Variants in ZNF25 observed in about 807,000 individuals in gnomAD.
ZNF25 encodes zinc finger protein 25, also known as zinc finger protein 25 (KOX 19).
Under a neutral mutation model 30.9 loss-of-function variants are expected in ZNF25, and 21 were observed. The ratio of observed to expected loss-of-function variants is 0.68; its 90% confidence interval spans 0.48 to 0.98. The LOEUF (loss-of-function observed/expected upper bound fraction) is 0.98. Ranked by LOEUF, ZNF25 falls within the 50% of genes least tolerant of loss-of-function variation. The pLI is 0.00. For missense variants in ZNF25, 501 were observed against 529.9 expected (o/e 0.95, Z 0.54); for synonymous variants, 169 against 181.3 (o/e 0.93, Z 0.55).
intron 3 of ZNF25, 48 bp downstream of exon 3, chr10:37,957,372 A>C (rs1375113090): frequency 1.9e-6 from 3 of 1,586,194 alleles, no homozygotes; most frequent in African/African-American, 2.7e-5. Context: ...GTAACTGAGA[A>C]GATAGATGCA....
chr10:37,949,825 CAAAG>C lies in ZNF25; in HGVS notation c.*2298_*2301del, dbSNP rs1590150491. 4 of 152,434 alleles carry C rather than the reference CAAAG, an allele frequency of 2.6e-5. No homozygotes were observed. Among genetic ancestry groups the C allele is most frequent in the African/African-American group, 9.7e-5 (4 of 41,384 alleles). 9.4% of individuals were successfully genotyped at this position (152,434 alleles called of 1,614,324 possible). A position where few individuals can be genotyped will look rare whatever the true frequency, so the allele number is the denominator to read the frequency against. On this transcript the variant is annotated 3_prime_UTR_variant, in exon 6 of 6. Coordinates refer to ENST00000302609, the MANE Select transcript of ZNF25 (RefSeq NM_145011.4). Reference sequence around the variant, plus strand: ...AACTGGCCATTGATTTGGGAGAAAACAAAGGAATACTGTGGGGCAGTATCAATGA... The same window carrying C: ...AACTGGCCATTGATTTGGGAGAAAACGAATACTGTGGGGCAGTATCAATGA...
intron 1 of ZNF25, among the ~76,000 whole-genome samples, chr10:37,973,461 C>CA (rs1015098439): frequency 1.7e-4 from 26 of 150,610 alleles, no homozygotes; most frequent in African/African-American, 6.1e-4. Context: ...ACTAAAAATA[C>CA]AAAAAAAATT....
At chr10:37,958,931 C>A (rs1292457950) in intron 2 of ZNF25, among the ~76,000 whole-genome samples, 1 of 152,114 alleles carries the variant, frequency 6.6e-6, no homozygotes, top group East Asian at 1.9e-4. Flanking sequence ...CACCTGTAGT[C>A]CCAGATACTC....
intron 2 of ZNF25, among the ~76,000 whole-genome samples, chr10:37,961,302 C>T (rs903114546): frequency 2.0e-5 from 3 of 152,102 alleles, no homozygotes; most frequent in African/African-American, 7.2e-5. Flanking sequence ...TCTGTGAAAA[C>T]ATACAAGTAC....
rs1235755464 is a variant in ZNF25, at chr10:37,951,128, G to A, written c.*999C>T. 1 of 152,008 alleles carries A rather than the reference G, an allele frequency of 6.6e-6. No individual in the cohort carries two copies. The highest frequency in any genetic ancestry group is 1.5e-5 in the Non-Finnish European group (1 of 68,014). 9.4% of individuals were successfully genotyped at this position (152,008 alleles called of 1,614,324 possible). A position where few individuals can be genotyped will look rare whatever the true frequency, so the allele number is the denominator to read the frequency against. ...TTTTGAAGGATTAGTTATTACCACT[G>A]TCTATATCCATTTACAAACACAAAA... On this transcript the variant is annotated 3_prime_UTR_variant, in exon 6 of 6. Transcript: ENST00000302609.
In ZNF25 at chr10:37,952,421, T is replaced by A. The variant is rs781619561; in HGVS notation, c.1077A>T (p.Lys359Asn). The A allele has an allele frequency of 3.7e-6, 6 of 1,613,978 alleles. No individual in the cohort carries two copies. Among genetic ancestry groups the A allele is most frequent in the Non-Finnish European group, 5.1e-6 (6 of 1,179,994 alleles). The change falls in exon 6 of 6, where the codon AAA becomes AAT. Residue 359 changes from lysine to asparagine, a missense_variant. By Grantham distance (94) the Lys-to-Asn change is moderately conservative (BLOSUM62 0). Transcript: ENST00000302609. ...KTFYYKSDLTKHQRKHTGEKP... is the reference protein window; with the variant it reads ...KTFYYKSDLTNHQRKHTGEKP... ...TCTCCCCTGTGTGTTTTCTCTGATG[T>A]TTAGTGAGGTCTGATTTATAGTAAA...
At chr10:37,954,805 A>G (rs1170977165) in intron 4 of ZNF25, among the ~76,000 whole-genome samples, 2 of 152,210 alleles carry the variant, frequency 1.3e-5, no homozygotes, top group Non-Finnish European at 2.9e-5. Context: ...AATACATAAG[A>G]AAAGTCACTT....
At chr10:37,971,475 TAG>T (rs1470251591) in intron 2 of ZNF25, among the ~76,000 whole-genome samples, 1 of 152,154 alleles carries the variant, frequency 6.6e-6, no homozygotes, top group Non-Finnish European at 1.5e-5. Context: ...CTCAACCTCA[TAG>T]ATCCCTTGAG....
intron 2 of ZNF25, among the ~76,000 whole-genome samples, chr10:37,966,764 G>C (rs2063210959): frequency 6.6e-6 from 1 of 152,134 alleles, no homozygotes; most frequent in South Asian, 2.1e-4. Context: ...TGGGGACACA[G>C]AGCCAAACCA....
At chr10:37,953,528 G>T (rs1231434458) in intron 5 of ZNF25, among the ~76,000 whole-genome samples, 167 bp downstream of exon 5, 1 of 152,186 alleles carries the variant, frequency 6.6e-6, no homozygotes, top group Non-Finnish European at 1.5e-5. Flanking sequence ...CCTGCACAAG[G>T]TCTCTATGAA....
At chr10:37,971,841 A>C (rs1039205163) in intron 1 of ZNF25, 34 bp from the exon 2 acceptor site, 1 of 1,393,852 alleles carries the variant, frequency 7.2e-7, no homozygotes, top group South Asian at 1.2e-5. Context: ...TTTTAGTAAA[A>C]TATATACCTT....
intron 2 of ZNF25, among the ~76,000 whole-genome samples, chr10:37,959,749 A>G (rs1213039211): frequency 6.6e-6 from 1 of 151,820 alleles, no homozygotes. Context: ...AGCTGGGACT[A>G]TAGGCGCCCG....
In ZNF25 at chr10:37,971,739, G is replaced by A. The variant is rs745633934; in HGVS notation, c.-17C>T. On this transcript the variant is annotated 5_prime_UTR_variant, in exon 2 of 6. Transcript: ENST00000302609. ...CTTGTTCATTTTCTGCTGCTCTTGG[G>A]AAAGGCTGAAAACTGCAAAGCCAGA... 6.2e-7 allele frequency: 1 copy of A among 1,613,934 alleles called. No homozygotes were observed. The highest frequency in any genetic ancestry group is 8.5e-7 in the Non-Finnish European group (1 of 1,180,014).
chr10:37,970,544 TC>T (rs1295084068), intron 2 of ZNF25, among the ~76,000 whole-genome samples: 1 of 152,120 alleles, frequency 6.6e-6, no homozygotes, highest in Non-Finnish European at 1.5e-5. Context: ...CTAAATTCTT[TC>T]CCCCCTAAGG....
intron 1 of ZNF25, among the ~76,000 whole-genome samples, chr10:37,972,877 C>G (rs895883487): frequency 6.6e-6 from 1 of 152,068 alleles, no homozygotes; most frequent in Admixed American, 6.6e-5. Flanking sequence ...CATTAGAAAA[C>G]CAGTAGCAGG....
intron 2 of ZNF25, among the ~76,000 whole-genome samples, chr10:37,959,092 G>A (rs2062703748): frequency 6.6e-6 from 1 of 152,032 alleles, no homozygotes; most frequent in African/African-American, 2.4e-5. Context: ...GTTTATATAA[G>A]ACAAAACACA....
chr10:37,975,387 C>CA (rs11443634), intron 1 of ZNF25, among the ~76,000 whole-genome samples: 115,461 of 148,868 alleles, frequency 0.78, 44,799 homozygotes, highest in South Asian at 0.92. Flanking sequence ...CATTATGTAC[C>CA]AAAAAAAAAA....
chr10:37,967,319 A>G (rs534160044), intron 2 of ZNF25, among the ~76,000 whole-genome samples: 1 of 152,372 alleles, frequency 6.6e-6, no homozygotes, highest in African/African-American at 2.4e-5. Flanking sequence ...AGCTGCAGTT[A>G]TCAAAACAGT....
chr10:37,973,267 A>T (rs1029470463), intron 1 of ZNF25, among the ~76,000 whole-genome samples: 10 of 152,004 alleles, frequency 6.6e-5, no homozygotes, highest in African/African-American at 2.2e-4. Flanking sequence ...CTACCAAAAA[A>T]ACCCCAACAC....
Sources: gnomAD v4.1 joint callset for allele counts (sites outside exome capture counted in the v4.1 genomes callset) on GRCh38, gnomAD v4.1.1 for gene constraint, MANE v1.5 for transcripts, NCBI Gene and HGNC (gene_info 2026-07-23, HGNC 2026-07-21) for gene names.